The following EPCIP variants were observed in gnomAD, a reference collection of about 807,000 sequenced individuals.
EPCIP encodes the protein exosomal polycystin-1-interacting protein.
At chr21:32,806,833 CT>C in the EPCIP span, among the ~76,000 whole-genome samples, 5 of 152,252 alleles carry the variant, frequency 3.3e-5, no homozygotes, top group South Asian at 8.3e-4. Flanking sequence ...CATTTTCATG[CT>C]GCTGATAAAG....
the EPCIP span, among the ~76,000 whole-genome samples, chr21:32,795,570 C>T: frequency 2.5e-3 from 376 of 152,314 alleles, no homozygotes; most frequent in African/African-American, 4.5e-3. Flanking sequence ...ACTTGGCATG[C>T]GACCTCTGAG....
At chr21:32,798,589 A>C in the EPCIP span, 1 of 152,336 alleles carries the variant, frequency 6.6e-6, no homozygotes, top group East Asian at 1.9e-4. Flanking sequence ...TTGAACTCTT[A>C]GGCCATTTGA....
At chr21:32,805,673 AT>A in the EPCIP span, among the ~76,000 whole-genome samples, 4 of 152,054 alleles carry the variant, frequency 2.6e-5, no homozygotes, top group Non-Finnish European at 5.9e-5. Context: ...AGTTGTAGAA[AT>A]TTTTTATAGC....
the EPCIP span, among the ~76,000 whole-genome samples, chr21:32,801,940 C>T: frequency 1.3e-5 from 2 of 152,042 alleles, no homozygotes; most frequent in Non-Finnish European, 2.9e-5. Flanking sequence ...AGAAGAGGTT[C>T]GGGTTAGGAA....
At chr21:32,809,273 C>CTCCTTCCT in the EPCIP span, among the ~76,000 whole-genome samples, 6 of 76,330 alleles carry the variant, frequency 7.9e-5, 1 homozygote, top group African/African-American at 2.6e-4. Flanking sequence ...TCTTCCCTCC[C>CTCCTTCCT]TCCTTCCTTT....
chr21:32,796,860 G>A, the EPCIP span: 2 of 409,154 alleles, frequency 4.9e-6, no homozygotes, highest in East Asian at 1.5e-4. Flanking sequence ...CCTGACCCTA[G>A]CCTTAAAAGA....
chr21:32,801,697 G>T, the EPCIP span, among the ~76,000 whole-genome samples: 1 of 152,270 alleles, frequency 6.6e-6, no homozygotes, highest in South Asian at 2.1e-4. Context: ...AAAAAAATTA[G>T]CTGGGCGTGG....
At chr21:32,809,877 G>A in the EPCIP span, among the ~76,000 whole-genome samples, 2 of 151,892 alleles carry the variant, frequency 1.3e-5, no homozygotes. Context: ...TTCTTAGAGT[G>A]CAACATCAGT....
chr21:32,791,301 A>G, the EPCIP span: 3 of 152,236 alleles, frequency 2.0e-5, no homozygotes, highest in Admixed American at 2.0e-4. Flanking sequence ...AGACTTACTT[A>G]AAACATATGT....
chr21:32,799,572 T>A, the EPCIP span, among the ~76,000 whole-genome samples: 1 of 152,200 alleles, frequency 6.6e-6, no homozygotes, highest in African/African-American at 2.4e-5. Flanking sequence ...CAGGGCATCT[T>A]CTCAGCTTCT....
At chr21:32,794,328 G>A in the EPCIP span, 5 of 1,614,228 alleles carry the variant, frequency 3.1e-6, no homozygotes, top group Non-Finnish European at 4.2e-6. Flanking sequence ...GTGAAGATGA[G>A]CGTGCTGTTC....
chr21:32,793,611 A>G, the EPCIP span: 1 of 738,150 alleles, frequency 1.4e-6, no homozygotes, highest in South Asian at 1.6e-5. Context: ...AGAGCTGGTT[A>G]TTGGTATGTG....
the EPCIP span, among the ~76,000 whole-genome samples, chr21:32,812,046 A>C: frequency 6.6e-6 from 1 of 152,220 alleles, no homozygotes; most frequent in African/African-American, 2.4e-5. Flanking sequence ...TAAGTTCATA[A>C]TCAGAATAGA....
At chr21:32,807,437 AT>A in the EPCIP span, among the ~76,000 whole-genome samples, 1 of 149,786 alleles carries the variant, frequency 6.7e-6, no homozygotes, top group Non-Finnish European at 1.5e-5. Flanking sequence ...GGTTCAAGTG[AT>A]TCTCCTGCCT....
the EPCIP span, chr21:32,793,682 T>C: frequency 7.5e-7 from 1 of 1,327,378 alleles, no homozygotes; most frequent in Non-Finnish European, 1.1e-6. Context: ...GATACCTATC[T>C]CACGGCCTTA....
the EPCIP span, among the ~76,000 whole-genome samples, chr21:32,805,351 G>A: frequency 1.6e-5 from 1 of 61,742 alleles, no homozygotes; most frequent in East Asian, 4.5e-4. Context: ...CACTAACATT[G>A]TAGATTATAT....
At chr21:32,793,637 T>C in the EPCIP span, 4 of 836,096 alleles carry the variant, frequency 4.8e-6, no homozygotes, top group East Asian at 9.7e-5. Context: ...GTGTTGCAAA[T>C]GGAGCCTGCG....
the EPCIP span, chr21:32,794,570 G>A: frequency 1.3e-6 from 1 of 742,430 alleles, no homozygotes; most frequent in East Asian, 2.7e-5. Flanking sequence ...AAAACAAGTT[G>A]TAAACATTTC....
chr21:32,810,513 G>T, the EPCIP span: 1 of 458,236 alleles, frequency 2.2e-6, no homozygotes, highest in Non-Finnish European at 4.4e-6. Context: ...CGCCCGCCTC[G>T]GCCTCCCAAA....
Sources: gnomAD v4.1 joint callset for allele counts (sites outside exome capture counted in the v4.1 genomes callset) on GRCh38, gnomAD v4.1.1 for gene constraint, MANE v1.5 for transcripts, NCBI Gene and HGNC (gene_info 2026-07-23, HGNC 2026-07-21) for gene names.